The following ZNF423 variants were observed in gnomAD, a reference collection of about 807,000 sequenced individuals.
The protein encoded by ZNF423 is Ebf-associated zinc finger protein.
In ZNF423, 12 loss-of-function variants were observed where a neutral mutation model predicts 95.8. The observed-to-expected ratio is 0.13, with a 90% CI of 0.08 to 0.20. The LOEUF (loss-of-function observed/expected upper bound fraction) is 0.20, where lower values mean the gene tolerates loss of function less well. Among genes scored for constraint, ZNF423 ranks in the 10% least tolerant of loss-of-function variants. ZNF423 has a pLI of 1.00. For synonymous variants in ZNF423, 749 were observed against 711.9 expected, an observed-to-expected ratio of 1.05 and a Z score of -0.83; for missense variants, 1,316 against 1,737.1, an observed-to-expected ratio of 0.76 and a Z score of 4.31.
At chr16:49,709,550 C>T (rs528337011) in intron 3 of ZNF423, among the ~76,000 whole-genome samples, 1 of 152,258 alleles carries the variant, frequency 6.6e-6, no homozygotes, top group East Asian at 1.9e-4. Flanking sequence ...CCAGGGGCAG[C>T]AACCGCCCTT....
Position 49,564,170 on chromosome 16 carries a change from C to T in ZNF423, c.3602-38676G>A, listed in dbSNP as rs185082104. Among the ~76,000 whole-genome samples the T allele has an allele frequency of 3.9e-3, 593 of 152,346 alleles. 1 individual carries two copies. Among genetic ancestry groups the T allele is most frequent in the Middle Eastern group, 6.8e-3 (2 of 294 alleles). Reference sequence around the variant, plus strand: ...GGATAGATTTGCTATAGATGTACCACAAACGCCACTGCCACTGAATTATGG... The same window carrying T: ...GGATAGATTTGCTATAGATGTACCATAAACGCCACTGCCACTGAATTATGG... On this transcript the variant is annotated intron_variant, in intron 5 of 7. Transcript: ENST00000563137.
At chr16:49,605,401 C>T (rs1291301140) in intron 5 of ZNF423, among the ~76,000 whole-genome samples, 1 of 152,230 alleles carries the variant, frequency 6.6e-6, no homozygotes, top group Non-Finnish European at 1.5e-5. Context: ...CTCAAAGCCT[C>T]AGCTTCCTGA....
chr16:49,604,783 C>T (rs988699308), intron 5 of ZNF423, among the ~76,000 whole-genome samples: 1 of 152,160 alleles, frequency 6.6e-6, no homozygotes, highest in African/African-American at 2.4e-5. Context: ...CCACCAAACA[C>T]CAAGAAGCCT....
chr16:49,609,738 A>T (rs971853370), intron 5 of ZNF423, among the ~76,000 whole-genome samples: 4 of 145,900 alleles, frequency 2.7e-5, no homozygotes, highest in Non-Finnish European at 4.5e-5. Context: ...AGAAGGAGAT[A>T]AAAAAAAAAG....
chr16:49,853,639 T>TACACATAC (rs1367011888), intron 1 of ZNF423: 4 of 985,214 alleles, frequency 4.1e-6, no homozygotes, highest in South Asian at 4.7e-5. Context: ...AACTGTCTGC[T>TACACATAC]ACACATACAC....
At chr16:49,829,377 G>A (rs530234724) in intron 1 of ZNF423, among the ~76,000 whole-genome samples, 6 of 152,192 alleles carry the variant, frequency 3.9e-5, no homozygotes, top group Non-Finnish European at 8.8e-5. Flanking sequence ...CTCCTTCTTT[G>A]AGCCCGAGAG....
At chr16:49,569,418 G>A (rs1333968011) in intron 5 of ZNF423, among the ~76,000 whole-genome samples, 1 of 152,218 alleles carries the variant, frequency 6.6e-6, no homozygotes, top group Non-Finnish European at 1.5e-5. Flanking sequence ...TGGGAGGTGT[G>A]TTTTCCTGAG....
At chr16:49,738,370 C>T (rs2033338241) in intron 2 of ZNF423, among the ~76,000 whole-genome samples, 2 of 152,186 alleles carry the variant, frequency 1.3e-5, no homozygotes, top group Non-Finnish European at 2.9e-5. Flanking sequence ...GACCCAGATT[C>T]CGGTCTTAGC....
At chr16:49,782,160 G>A (rs977014835) in intron 2 of ZNF423, among the ~76,000 whole-genome samples, 2 of 152,242 alleles carry the variant, frequency 1.3e-5, no homozygotes, top group African/African-American at 4.8e-5. Flanking sequence ...CCTGACCCAG[G>A]AGTGACCGGG....
At chr16:49,563,468 C>T (rs1970082029) in intron 5 of ZNF423, among the ~76,000 whole-genome samples, 1 of 152,194 alleles carries the variant, frequency 6.6e-6, no homozygotes. Flanking sequence ...CTCGGGTATT[C>T]CTTCACAGCA....
At chr16:49,495,434 C>A (rs1234982406) in intron 7 of ZNF423, among the ~76,000 whole-genome samples, 8 of 152,308 alleles carry the variant, frequency 5.3e-5, no homozygotes, top group African/African-American at 1.4e-4. Flanking sequence ...CCTCTCTGTG[C>A]AAATCGTCAG....
At chr16:49,545,428 A>C (rs77188521) in intron 5 of ZNF423, among the ~76,000 whole-genome samples, 1,863 of 152,172 alleles carry the variant, frequency 0.012, 40 homozygotes, top group African/African-American at 0.041. Context: ...CATGTGCAAG[A>C]CTGGGCCTTG....
chr16:49,809,676 G>A (rs549383298), intron 1 of ZNF423, among the ~76,000 whole-genome samples: 101 of 152,326 alleles, frequency 6.6e-4, no homozygotes, highest in African/African-American at 2.3e-3. Context: ...GCTCCCAGAG[G>A]GGAGAGGTGG....
At chr16:49,583,144 A>T (rs1970723383) in intron 5 of ZNF423, among the ~76,000 whole-genome samples, 1 of 152,252 alleles carries the variant, frequency 6.6e-6, no homozygotes. Context: ...TTTGGACACT[A>T]GCAAAGGGTT....
rs1195424141 is a variant in ZNF423 at position 49,544,861 on chromosome 16, G to A, written c.3602-19367C>T. Among the ~76,000 whole-genome samples the A allele has an allele frequency of 3.9e-5, 6 of 152,364 alleles. No individual in the cohort carries two copies. The East Asian group carries it at 7.7e-4, about 20-fold the overall frequency. The stretch of plus-strand genomic sequence containing the variant: ...TTCTTCTATTCTGCAGAAACTGAGC[G>A]CCCAAGCGCAGGGTGCAGCATTGGG... On this transcript the variant is annotated intron_variant, in intron 5 of 7. Coordinates refer to ENST00000563137, the MANE Select transcript of ZNF423 (RefSeq NM_001379286.1).
Position 49,812,648 on chromosome 16 carries a change from C to G in ZNF423, c.41-23102G>C, listed in dbSNP as rs536049353. On this transcript the variant is annotated intron_variant, in intron 1 of 7. Transcript: ENST00000563137. ...TGAGCTGTGATTGTGCCACTGCACT[C>G]CAGCCTGGGCAACAGCGTGAGATCC... is the stretch of plus-strand genomic sequence containing the variant. Among the ~76,000 whole-genome samples, 52 of 152,242 alleles carry G rather than the reference C, an allele frequency of 3.4e-4. 1 individual carries two copies. Among genetic ancestry groups the G allele is most frequent in the African/African-American group, 1.2e-3 (49 of 41,542 alleles).
At chr16:49,684,020 G>A (rs904162103) in intron 3 of ZNF423, among the ~76,000 whole-genome samples, 1 of 152,210 alleles carries the variant, frequency 6.6e-6, no homozygotes, top group Admixed American at 6.5e-5. Flanking sequence ...GCAGTGAGCT[G>A]TGATTGTGCC....
intron 2 of ZNF423, among the ~76,000 whole-genome samples, chr16:49,742,824 G>C (rs1691076888): frequency 6.6e-6 from 1 of 152,172 alleles, no homozygotes; most frequent in Admixed American, 6.5e-5. Context: ...GTTAGGGGAA[G>C]AAAAGCAGGG....
At chr16:49,793,655 C>T (rs1383850377) in intron 1 of ZNF423, among the ~76,000 whole-genome samples, 1 of 152,120 alleles carries the variant, frequency 6.6e-6, no homozygotes, top group Admixed American at 6.5e-5. Context: ...ACAGGGTATA[C>T]CGGCATAGGG....
Sources: gnomAD v4.1 joint callset for allele counts (sites outside exome capture counted in the v4.1 genomes callset) on GRCh38, gnomAD v4.1.1 for gene constraint, MANE v1.5 for transcripts, NCBI Gene and HGNC (gene_info 2026-07-23, HGNC 2026-07-21) for gene names.